Variants in KCNIP4 observed in about 807,000 individuals in gnomAD.
The protein encoded by KCNIP4 is potassium voltage-gated channel interacting protein 4, also known as Kv channel-interacting protein 4.
A neutral mutation model predicts 34.0 loss-of-function variants in KCNIP4; 12 were observed. That is an observed-to-expected ratio of 0.35 (90% CI 0.23 to 0.57). KCNIP4 has a LOEUF of 0.57. Among genes scored for constraint, KCNIP4 ranks in the 20% least tolerant of loss-of-function variants. The pLI is 0.83. For missense variants in KCNIP4, 238 were observed against 311.7 expected (o/e 0.76, Z 1.78); for synonymous variants, 124 against 102.2 (o/e 1.21, Z -1.29).
At chr4:21,092,039 C>G (rs1222126674) in intron 1 of KCNIP4, among the ~76,000 whole-genome samples, 1 of 152,172 alleles carries the variant, frequency 6.6e-6, no homozygotes, top group African/African-American at 2.4e-5. Flanking sequence ...CACCAAAATT[C>G]AAACTCAAGT....
At chr4:21,341,166 G>A (rs1716727684) in intron 1 of KCNIP4, among the ~76,000 whole-genome samples, 1 of 152,132 alleles carries the variant, frequency 6.6e-6, no homozygotes, top group Non-Finnish European at 1.5e-5. Flanking sequence ...AAGCTAGGAA[G>A]AGGGAGGGAA....
chr4:21,638,327 T>C (rs1262803470), intron 1 of KCNIP4, among the ~76,000 whole-genome samples: 1 of 152,196 alleles, frequency 6.6e-6, no homozygotes, highest in Non-Finnish European at 1.5e-5. Context: ...TTCTGGTCTG[T>C]TTCAGATGGC....
At chr4:21,580,197 C>A (rs1028163361) in intron 1 of KCNIP4, among the ~76,000 whole-genome samples, 1 of 152,152 alleles carries the variant, frequency 6.6e-6, no homozygotes, top group African/African-American at 2.4e-5. Flanking sequence ...AGGAATGAAT[C>A]TTTACTGAGC....
chr4:21,150,088 A>G (rs962576042), intron 1 of KCNIP4, among the ~76,000 whole-genome samples: 2 of 152,144 alleles, frequency 1.3e-5, no homozygotes, highest in Non-Finnish European at 1.5e-5. Flanking sequence ...CGTAGAGTCA[A>G]ATGTTATTCA....
At chr4:21,461,664 T>C (rs1406033035) in intron 1 of KCNIP4, among the ~76,000 whole-genome samples, 1 of 152,030 alleles carries the variant, frequency 6.6e-6, no homozygotes, top group Non-Finnish European at 1.5e-5. Flanking sequence ...GCACCTTGTA[T>C]GCCAACTGAG....
intron 1 of KCNIP4, among the ~76,000 whole-genome samples, chr4:21,491,541 A>AT (rs907433743): frequency 2.0e-5 from 3 of 151,834 alleles, no homozygotes; most frequent in Admixed American, 6.6e-5. Flanking sequence ...TGCTGGGCAA[A>AT]TTTTTTTTAT....
chr4:21,768,236 C>CA (rs577518394), intron 1 of KCNIP4, among the ~76,000 whole-genome samples: 186 of 152,114 alleles, frequency 1.2e-3, no homozygotes, highest in Non-Finnish European at 2.3e-3. Context: ...CATCTTAACA[C>CA]AAAAATCATC....
chr4:21,511,994 T>C (rs769167718), intron 1 of KCNIP4, among the ~76,000 whole-genome samples: 1 of 129,120 alleles, frequency 7.7e-6, no homozygotes, highest in Non-Finnish European at 1.6e-5. Flanking sequence ...AAAGGAAAGA[T>C]GGAAGGAAGT....
At chr4:21,848,944 A>ATGTGTGTGTGTGTG (rs199564603) in intron 1 of KCNIP4, 1 of 57,312 alleles carries the variant, frequency 1.7e-5, no homozygotes, top group African/African-American at 6.3e-5. Flanking sequence ...TGATATACAT[A>ATGTGTGTGTGTGTG]TATGTGTGTG....
chr4:21,694,930 ATAAAAATAAATAAAT>A (rs1560637176), intron 1 of KCNIP4, among the ~76,000 whole-genome samples: 2 of 109,936 alleles, frequency 1.8e-5, no homozygotes, highest in Non-Finnish European at 2.0e-5. Context: ...AAAAAAAAAA[ATAAAAATAAATAAAT>A]AAATAAAGGG....
At chr4:20,843,336 G>C (rs1719972097) in intron 3 of KCNIP4, among the ~76,000 whole-genome samples, 1 of 152,172 alleles carries the variant, frequency 6.6e-6, no homozygotes, top group African/African-American at 2.4e-5. Flanking sequence ...CCTCTAGCAA[G>C]GTGGGATGAG....
At chr4:21,919,635 G>A (rs1728831375) in intron 1 of KCNIP4, among the ~76,000 whole-genome samples, 2 of 152,098 alleles carry the variant, frequency 1.3e-5, no homozygotes, top group Admixed American at 6.6e-5. Context: ...ATAAATCATG[G>A]GGTTCCCATA....
intron 1 of KCNIP4, among the ~76,000 whole-genome samples, chr4:21,590,682 T>A (rs1028868387): frequency 6.6e-6 from 1 of 152,012 alleles, no homozygotes; most frequent in Admixed American, 6.6e-5. Context: ...GTGTATCATA[T>A]CTCCTAAGTT....
chr4:20,883,697 T>G (rs575467874), intron 1 of KCNIP4, among the ~76,000 whole-genome samples: 2 of 151,986 alleles, frequency 1.3e-5, no homozygotes, highest in South Asian at 4.2e-4. Context: ...TTGTTCCTTT[T>G]CTAGTTCTTA....
chr4:20,748,173 G>T (rs1752768044), intron 5 of KCNIP4, among the ~76,000 whole-genome samples: 1 of 152,024 alleles, frequency 6.6e-6, no homozygotes, highest in East Asian at 1.9e-4. Context: ...CCAATCTCCT[G>T]CCTAAGACAT....
At chr4:21,869,107 A>G (rs892887104) in intron 1 of KCNIP4, among the ~76,000 whole-genome samples, 8 of 152,026 alleles carry the variant, frequency 5.3e-5, no homozygotes, top group Non-Finnish European at 1.2e-4. Flanking sequence ...ACTTGACCCC[A>G]TTCTCTATCC....
chr4:20,983,849 A>C, intron 1 of KCNIP4: 3 of 1,536,434 alleles, frequency 2.0e-6, no homozygotes, highest in Non-Finnish European at 2.6e-6. Flanking sequence ...CAAATGAAGA[A>C]GCTTCAGAGA....
chr4:21,520,255 A>G (rs182762973), intron 1 of KCNIP4, among the ~76,000 whole-genome samples: 1 of 152,166 alleles, frequency 6.6e-6, no homozygotes, highest in East Asian at 1.9e-4. Flanking sequence ...GCATCCTTCA[A>G]TCCCAATCAA....
chr4:20,992,894 G>A (rs776839397), intron 1 of KCNIP4, among the ~76,000 whole-genome samples: 21 of 151,908 alleles, frequency 1.4e-4, no homozygotes, highest in Middle Eastern at 3.4e-3. Flanking sequence ...CGGGCGCGGC[G>A]GTGGGCACCT....
Sources: allele counts gnomAD v4.1 joint callset (sites outside exome capture counted in the v4.1 genomes callset), GRCh38; gene constraint gnomAD v4.1.1; transcripts MANE v1.5; gene names NCBI Gene and HGNC (gene_info 2026-07-23, HGNC 2026-07-21).